The following SLC35F6 variants were observed in gnomAD, a reference collection of about 807,000 sequenced individuals.
SLC35F6 encodes solute carrier family 35 member F6.
Under a neutral mutation model 29.4 loss-of-function variants are expected in SLC35F6, and 26 were observed. The observed-to-expected ratio is 0.89, with a 90% CI of 0.65 to 1.23. SLC35F6 has a LOEUF of 1.23. Ranked by LOEUF, SLC35F6 falls within the 50% of genes most tolerant of loss-of-function variation. The probability of loss-of-function intolerance (pLI) is 0.00; values close to 1 mark genes in which losing one functional copy is unlikely to be tolerated. For synonymous variants in SLC35F6, 174 were observed against 206.6 expected, an observed-to-expected ratio of 0.84 and a Z score of 1.35; for missense variants, 428 against 487.8, an observed-to-expected ratio of 0.88 and a Z score of 1.15.
At chr2:26,772,000 G>A (rs186063672) in intron 1 of SLC35F6, among the ~76,000 whole-genome samples, 13 of 152,242 alleles carry the variant, frequency 8.5e-5, no homozygotes, top group Non-Finnish European at 1.5e-4. Context: ...AGTTCTGTCC[G>A]AACTTCTCCC....
rs1664053148 is a variant in SLC35F6 at position 26,764,293 on chromosome 2, A to AC, written c.-53dup. 1.3e-6 allele frequency: 2 copies of AC among 1,540,008 alleles called. No homozygotes were observed. The highest frequency in any genetic ancestry group is 4.9e-5 in the East Asian group (2 of 40,434). On this transcript the variant is annotated 5_prime_UTR_variant, in exon 1 of 6. Coordinates refer to ENST00000344420, the MANE Select transcript of SLC35F6 (RefSeq NM_017877.4). ...CGGCCCGGAAGCGCTCGCGCAGGAGACCCCGGGTGACGGGGCCCGGCGCCG... is the reference window on the plus strand; with the variant it reads ...CGGCCCGGAAGCGCTCGCGCAGGAGACCCCCGGGTGACGGGGCCCGGCGCCG...
chr2:26,775,432 A>C lies in SLC35F6; in HGVS notation c.323-32A>C. 1 of 1,604,912 alleles carries C rather than the reference A, an allele frequency of 6.2e-7. No homozygotes were observed. Among genetic ancestry groups the C allele is most frequent in the Non-Finnish European group, 8.5e-7 (1 of 1,175,272 alleles). ...AGTGACAGATGGCCTTCGCCTTGGGAAGCTAACTGTAATTTGTTTCTCCTT... is the reference window on the plus strand; with the variant it reads ...AGTGACAGATGGCCTTCGCCTTGGGCAGCTAACTGTAATTTGTTTCTCCTT... On this transcript the variant is annotated intron_variant, in intron 3 of 5. Coordinates refer to ENST00000344420, the MANE Select transcript of SLC35F6 (RefSeq NM_017877.4). This position sits in a 1 kb window ranked among gnomAD's most constrained non-coding sequence, Gnocchi z 4.6.
In SLC35F6 at chr2:26,775,688, G is replaced by A. The variant is rs1223365808; in HGVS notation, c.535+12G>A. On this transcript the variant is annotated intron_variant, in intron 4 of 5. Coordinates refer to ENST00000344420, the MANE Select transcript of SLC35F6 (RefSeq NM_017877.4). This position sits in a 1 kb window ranked among gnomAD's most constrained non-coding sequence, Gnocchi z 4.6. Reference sequence around the variant, plus strand: ...CGAAGTGATCACAGGTGCGGCCAGGGGCAGGGACACGGGGCTGCCCTATCC... The same window carrying A: ...CGAAGTGATCACAGGTGCGGCCAGGAGCAGGGACACGGGGCTGCCCTATCC... 3 of 1,555,836 alleles carry A rather than the reference G, an allele frequency of 1.9e-6. No individual in the cohort carries two copies. Among genetic ancestry groups the A allele is most frequent in the Non-Finnish European group, 2.6e-6 (3 of 1,154,302 alleles).
intron 1 of SLC35F6, among the ~76,000 whole-genome samples, chr2:26,773,810 A>G (rs980807045): frequency 6.6e-6 from 1 of 151,868 alleles, no homozygotes. Flanking sequence ...ACGGGGTTTC[A>G]CCATGTTGGC....
intron 1 of SLC35F6, among the ~76,000 whole-genome samples, chr2:26,773,773 C>A (rs1052284670): frequency 1.3e-5 from 2 of 151,652 alleles, no homozygotes; most frequent in African/African-American, 2.4e-5. Flanking sequence ...CCACCACGCC[C>A]GGCTAATTTT....
Position 26,764,388 on chromosome 2 carries a change from C to T in SLC35F6, c.39C>T (p.Leu13=), listed in dbSNP as rs142072865. 4,033 of 1,551,110 alleles carry T rather than the reference C, an allele frequency of 2.6e-3. 7 individuals are homozygous for T. Among genetic ancestry groups the T allele is most frequent in the Non-Finnish European group, 3.1e-3 (3,566 of 1,146,870 alleles). Residue 13 remains leucine (L), a synonymous_variant, in exon 1 of 6, where the codon CTC becomes CTT. Coordinates refer to ENST00000344420, the MANE Select transcript of SLC35F6 (RefSeq NM_017877.4). ...AGTACCAGCTGTTCCTGGCCGGGCTCATGCTTGTTACCGGCTCCATCAACA... is the reference window on the plus strand; with the variant it reads ...AGTACCAGCTGTTCCTGGCCGGGCTTATGCTTGTTACCGGCTCCATCAACA... ...WTKYQLFLAG[L]MLVTGSINTL...
chr2:26,777,952 A>C, intron 5 of SLC35F6, 90 bp from the exon 6 acceptor site: 2 of 1,238,040 alleles, frequency 1.6e-6, no homozygotes, highest in Non-Finnish European at 2.3e-6. Flanking sequence ...CTGGGAGGGA[A>C]TGACCCGAGA....
chr2:26,772,765 A>G (rs1306274522), intron 1 of SLC35F6, among the ~76,000 whole-genome samples: 1 of 152,224 alleles, frequency 6.6e-6, no homozygotes, highest in East Asian at 1.9e-4. Context: ...GAAAGATTAG[A>G]CAAGATTCCA....
Position 26,764,332 on chromosome 2 carries a change from ACCC to A in SLC35F6, c.-16_-14del. The stretch of plus-strand genomic sequence containing the variant: ...GGCCCGGCGCCGCTAACTGGAGCGA[ACCC>A]CAGCGTCCGCCGACATGGCCTGGAC... On this transcript the variant is annotated 5_prime_UTR_variant, in exon 1 of 6. Coordinates refer to ENST00000344420, the MANE Select transcript of SLC35F6 (RefSeq NM_017877.4). 6.5e-7 allele frequency: 1 copy of A among 1,549,214 alleles called. No homozygotes were observed. Among genetic ancestry groups the A allele is most frequent in the South Asian group, 1.2e-5 (1 of 84,018 alleles).
At chr2:26,770,112 A>C (rs889124134) in intron 1 of SLC35F6, among the ~76,000 whole-genome samples, 8 of 152,194 alleles carry the variant, frequency 5.3e-5, no homozygotes, top group Non-Finnish European at 4.4e-5. Flanking sequence ...TTGTGCATTT[A>C]AGGAAACATG....
intron 2 of SLC35F6, among the ~76,000 whole-genome samples, chr2:26,774,691 C>T (rs1297775961): frequency 6.6e-6 from 1 of 152,224 alleles, no homozygotes; most frequent in Non-Finnish European, 1.5e-5. Context: ...AATCAGGAGA[C>T]TCAAATGTCA....
chr2:26,775,055 GT>G lies in SLC35F6; in HGVS notation c.164del (p.Phe55SerfsTer26), dbSNP rs776385933. The G allele has an allele frequency of 6.2e-7, 1 of 1,613,796 alleles. No homozygotes were observed. Among genetic ancestry groups the G allele is most frequent in the Non-Finnish European group, 8.5e-7 (1 of 1,179,850 alleles). On this transcript the variant is annotated frameshift_variant, in exon 3 of 6. Transcript: ENST00000344420. LOFTEE classifies it high-confidence loss of function. This position sits in a 1 kb window ranked among gnomAD's most constrained non-coding sequence, Gnocchi z 4.6. ...QHPFLQAVGM[F>X]LGEFSCLAAF... is the part of the protein sequence containing the mutation. ...TTTCATCCCTGCAGGCAGTGGGCAT[GT>G]TCCTGGGAGAATTCTCCTGCCTGGC...
chr2:26,768,656 CTTTTTT>C (rs569353471), intron 1 of SLC35F6, among the ~76,000 whole-genome samples: 18 of 123,992 alleles, frequency 1.5e-4, no homozygotes, highest in African/African-American at 5.5e-4. Flanking sequence ...TGTGCCCAGC[CTTTTTT>C]TTTTTTTTTT....
At position 26,775,285 on chromosome 2, in the gene SLC35F6, C is replaced by A; in HGVS notation, c.322+70C>A. ...GCTGAAGGGGCTACTGGTGAAACAG[C>A]CCTATCCCACCCACCTCCACTTCAT... On this transcript the variant is annotated intron_variant, in intron 3 of 5. Coordinates refer to ENST00000344420, the MANE Select transcript of SLC35F6 (RefSeq NM_017877.4). The surrounding 1 kb of genome is among the most constrained non-coding windows in gnomAD (Gnocchi z 4.6). 1 of 1,555,828 alleles carries A rather than the reference C, an allele frequency of 6.4e-7. No homozygotes were observed. Among genetic ancestry groups the A allele is most frequent in the Non-Finnish European group, 8.7e-7 (1 of 1,149,256 alleles).
intron 5 of SLC35F6, among the ~76,000 whole-genome samples, chr2:26,777,162 G>A (rs1431778246): frequency 2.6e-5 from 4 of 152,202 alleles, no homozygotes; most frequent in East Asian, 1.9e-4. Flanking sequence ...TTGCGCCACC[G>A]CACTCCAGCC....
chr2:26,773,842 C>T (rs960427604), intron 1 of SLC35F6, among the ~76,000 whole-genome samples: 3 of 152,028 alleles, frequency 2.0e-5, no homozygotes, highest in South Asian at 2.1e-4. Context: ...GAACTCCAGA[C>T]GTCAAGTGAT....
rs764554390 is a variant in SLC35F6, at chr2:26,775,541, G to A, written c.400G>A (p.Ala134Thr). The A allele has an allele frequency of 6.2e-7, 1 of 1,610,236 alleles. No homozygotes were observed. Among genetic ancestry groups the A allele is most frequent in the African/African-American group, 1.3e-5 (1 of 75,004 alleles). The change falls in exon 4 of 6, where the codon GCC becomes ACC. Residue 134 changes from alanine (A) to threonine (T), a missense_variant. Ala to Thr is a moderately conservative substitution (Grantham distance 58). Transcript: ENST00000344420. The surrounding 1 kb of genome is among the most constrained non-coding windows in gnomAD (Gnocchi z 4.6). Reference sequence around the variant, plus strand: ...CATATTCACTGGCCTGTTCTCGGTGGCCTTCCTGGGCCGGAGGCTGGTGCT... The same window carrying A: ...CATATTCACTGGCCTGTTCTCGGTGACCTTCCTGGGCCGGAGGCTGGTGCT... ...VIIFTGLFSV[A>T]FLGRRLVLSQ... is the part of the protein sequence containing the mutation.
chr2:26,765,820 C>G (rs1384780108), intron 1 of SLC35F6, among the ~76,000 whole-genome samples: 1 of 152,158 alleles, frequency 6.6e-6, no homozygotes, highest in African/African-American at 2.4e-5. Context: ...GTTCAGAGGC[C>G]CCAGCCTGAG....
In SLC35F6 at chr2:26,764,314, C is replaced by T; in HGVS notation, c.-36C>T. Reference sequence around the variant, plus strand: ...GGAGACCCCGGGTGACGGGGCCCGGCGCCGCTAACTGGAGCGAACCCCAGC... The same window carrying T: ...GGAGACCCCGGGTGACGGGGCCCGGTGCCGCTAACTGGAGCGAACCCCAGC... On this transcript the variant is annotated 5_prime_UTR_variant, in exon 1 of 6. Transcript: ENST00000344420. The T allele has an allele frequency of 1.3e-6, 2 of 1,546,540 alleles. No homozygotes were observed. Among genetic ancestry groups the T allele is most frequent in the Non-Finnish European group, 1.7e-6 (2 of 1,145,128 alleles).
Sources: gnomAD v4.1 joint callset for allele counts (sites outside exome capture counted in the v4.1 genomes callset) on GRCh38, gnomAD v4.1.1 for gene constraint, Gnocchi (gnomAD v3.1) non-coding constraint, MANE v1.5 for transcripts, NCBI Gene and HGNC (gene_info 2026-07-23, HGNC 2026-07-21) for gene names.